ZBTB17: variants seen among roughly 807,000 people sequenced by gnomAD.
ZBTB17 encodes zinc finger and BTB domain containing 17.
A neutral mutation model predicts 85.1 loss-of-function variants in ZBTB17; 24 were observed. The ratio of observed to expected loss-of-function variants is 0.28; its 90% CI spans 0.20 to 0.40. The LOEUF (loss-of-function observed/expected upper bound fraction) is 0.40. Ranked by LOEUF, ZBTB17 falls within the 10% of genes least tolerant of loss-of-function variation. The pLI is 1.00. For synonymous variants in ZBTB17, 464 were observed against 460.2 expected (o/e 1.01, Z -0.11); for missense variants, 743 against 1,105.1 (o/e 0.67, Z 4.65).
chr1:15,961,050 G>A (rs575190974), intron 2 of ZBTB17, among the ~76,000 whole-genome samples: 11 of 152,202 alleles, frequency 7.2e-5, no homozygotes, highest in Admixed American at 3.3e-4. Context: ...CAAGGTCAAC[G>A]CTGCAGTGAG....
In ZBTB17 at chr1:15,944,528, C is replaced by T. The variant is rs2071506055; in HGVS notation, c.1143G>A (p.Lys381=). 2.5e-6 allele frequency: 4 copies of T among 1,595,482 alleles called. No homozygotes were observed. The highest frequency in any genetic ancestry group is 2.6e-6 in the Non-Finnish European group (3 of 1,175,758). ...YRLISLLNLH[K]KRHSGEARYR... ...AGCGCGCCTCGCCCGAGTGCCGCTT[C>T]TTGTGCAGGTTCAGCAGGCTGATGA... is the stretch of plus-strand genomic sequence containing the variant. Residue 381 remains lysine (K), a synonymous_variant, in exon 9 of 16, where the codon AAG becomes AAA. Coordinates refer to ENST00000375743, the MANE Select transcript of ZBTB17 (RefSeq NM_003443.3).
At chr1:15,961,100 T>C (rs1177994180) in intron 2 of ZBTB17, among the ~76,000 whole-genome samples, 1 of 152,052 alleles carries the variant, frequency 6.6e-6, no homozygotes, top group Non-Finnish European at 1.5e-5. Context: ...GGCAACAGAG[T>C]GAGACCCCGT....
At position 15,973,937 on chromosome 1, in the gene ZBTB17, C is replaced by T. The variant is rs879600326; in HGVS notation, c.-89-812G>A. 2.6e-5 allele frequency among the ~76,000 whole-genome samples: 4 copies of T among 152,132 alleles called. No individual in the cohort carries two copies. Among genetic ancestry groups the T allele is most frequent in the Admixed American group, 2.6e-4 (4 of 15,260 alleles). Reference sequence around the variant, plus strand: ...AGGCATGGTTGCACATGCCTATAATCCCAGTACTTTGGGAGGCTGAGGCGG... The same window carrying T: ...AGGCATGGTTGCACATGCCTATAATTCCAGTACTTTGGGAGGCTGAGGCGG... On this transcript the variant is annotated intron_variant, in intron 1 of 15. Coordinates refer to ENST00000375743, the MANE Select transcript of ZBTB17 (RefSeq NM_003443.3). This position sits in a 1 kb window ranked among gnomAD's most constrained non-coding sequence, Gnocchi z 4.1.
chr1:15,954,654 G>A (rs2071980168), intron 2 of ZBTB17, among the ~76,000 whole-genome samples: 1 of 151,896 alleles, frequency 6.6e-6, no homozygotes, highest in East Asian at 1.9e-4. Context: ...TCTGAGACAA[G>A]CCTAGGCAAC....
At chr1:15,962,766 G>A (rs780184284) in intron 2 of ZBTB17, among the ~76,000 whole-genome samples, 96 of 152,106 alleles carry the variant, frequency 6.3e-4, no homozygotes, top group Admixed American at 9.2e-4. Context: ...TAATGAGTGC[G>A]ATAAAACATC....
At chr1:15,945,307 G>A (rs1287375328) in intron 6 of ZBTB17, 105 bp from the exon 7 acceptor site, 3 of 1,469,772 alleles carry the variant, frequency 2.0e-6, no homozygotes, top group Non-Finnish European at 2.7e-6. Flanking sequence ...CCCAGCACTG[G>A]CCAAGGAAAG....
intron 3 of ZBTB17, 129 bp from the exon 4 acceptor site, chr1:15,947,252 A>G: frequency 1.0e-6 from 1 of 957,274 alleles, no homozygotes; most frequent in Non-Finnish European, 1.5e-6. Flanking sequence ...GCATCGCCCC[A>G]TCTCCTCTGT....
intron 2 of ZBTB17, among the ~76,000 whole-genome samples, chr1:15,971,476 A>C (rs1185372485): frequency 2.3e-5 from 2 of 86,948 alleles, no homozygotes; most frequent in Non-Finnish European, 5.3e-5. Flanking sequence ...CACACACACT[A>C]TATATATACA....
chr1:15,975,284 T>G (rs2072826206), intron 1 of ZBTB17, among the ~76,000 whole-genome samples: 1 of 152,194 alleles, frequency 6.6e-6, no homozygotes, highest in African/African-American at 2.4e-5. Flanking sequence ...TATTATCATC[T>G]CTGCTTAAAG....
At chr1:15,948,755 G>C (rs1167583482) in intron 2 of ZBTB17, among the ~76,000 whole-genome samples, 1 of 152,150 alleles carries the variant, frequency 6.6e-6, no homozygotes, top group African/African-American at 2.4e-5. Context: ...ACCAACACGA[G>C]GCAGCCGCCT....
At position 15,966,090 on chromosome 1, in the gene ZBTB17, T is replaced by C. The variant is rs1312332473; in HGVS notation, c.-3+6949A>G. ...GATTTACAAAATTAAACAAGTTCTT[T>C]CTTACTTTAAATCATTTGCCAAGCA... On this transcript the variant is annotated intron_variant, in intron 2 of 15. Coordinates refer to ENST00000375743, the MANE Select transcript of ZBTB17 (RefSeq NM_003443.3). This position sits in a 1 kb window ranked among gnomAD's most constrained non-coding sequence, Gnocchi z 4.1. Among the ~76,000 whole-genome samples the C allele has an allele frequency of 6.6e-6, 1 of 152,252 alleles. No individual in the cohort carries two copies. The highest frequency in any genetic ancestry group is 1.5e-5 in the Non-Finnish European group (1 of 68,044).
chr1:15,973,405 T>G lies in ZBTB17; in HGVS notation c.-89-280A>C, dbSNP rs574702565. On this transcript the variant is annotated intron_variant, in intron 1 of 15. Coordinates refer to ENST00000375743, the MANE Select transcript of ZBTB17 (RefSeq NM_003443.3). The surrounding 1 kb of genome is among the most constrained non-coding windows in gnomAD (Gnocchi z 4.1). ...TGTTAAGAAGGAAAAACGACAAGGT[T>G]TGTATCCAAGCATTACTGCAGCATT... Among the ~76,000 whole-genome samples, 1 of 152,294 alleles carries G rather than the reference T, an allele frequency of 6.6e-6. No individual in the cohort carries two copies. The highest frequency in any genetic ancestry group is 1.5e-5 in the Non-Finnish European group (1 of 68,020).
chr1:15,945,847 G>C lies in ZBTB17; in HGVS notation c.536-7C>G, dbSNP rs1369557765. The stretch of plus-strand genomic sequence containing the variant: ...TTCTCTGTCTGCTCTGCACCTGGGT[G>C]GGGGAAGCACCGGAGGCTGGATTGC... On this transcript the variant is annotated splice_region_variant and splice_polypyrimidine_tract_variant and intron_variant, in intron 5 of 15. Transcript: ENST00000375743. The C allele has an allele frequency of 3.1e-6, 5 of 1,590,208 alleles. No homozygotes were observed. The highest frequency in any genetic ancestry group is 3.4e-6 in the Non-Finnish European group (4 of 1,172,262).
Position 15,941,949 on chromosome 1 carries a change from C to T in ZBTB17, c.*20G>A, listed in dbSNP as rs2071373831. On this transcript the variant is annotated 3_prime_UTR_variant, in exon 16 of 16. Transcript: ENST00000375743. ...AGGGTGCCATCCATCCTTAAATAAA[C>T]AGTCAGAAGGGCCGCCAGCTCACTC... 2 of 1,579,972 alleles carry T rather than the reference C, an allele frequency of 1.3e-6. No individual in the cohort carries two copies. The highest frequency in any genetic ancestry group is 2.2e-5 in the East Asian group (1 of 44,488).
rs752727528 is a variant in ZBTB17 at position 15,944,926 on chromosome 1, G to A, written c.927+11C>T. The stretch of plus-strand genomic sequence containing the variant: ...ACGCTGGCTGGGAGGGCTGGCCATA[G>A]TCTCCCTCACCTCGCACTTGTGGAT... On this transcript the variant is annotated intron_variant, in intron 7 of 15. Coordinates refer to ENST00000375743, the MANE Select transcript of ZBTB17 (RefSeq NM_003443.3). The A allele has an allele frequency of 1.2e-5, 19 of 1,568,506 alleles. No individual in the cohort carries two copies. The East Asian group carries it at 3.5e-4, about 29-fold the overall frequency.
intron 3 of ZBTB17, 153 bp downstream of exon 3, chr1:15,948,138 C>T (rs557406280): frequency 5.7e-6 from 5 of 876,076 alleles, no homozygotes; most frequent in South Asian, 4.4e-5. Flanking sequence ...GTGGGAGGAA[C>T]TTAGTACTGA....
intron 6 of ZBTB17, 66 bp from the exon 7 acceptor site, chr1:15,945,268 G>A (rs2071550237): frequency 3.3e-6 from 5 of 1,522,596 alleles, no homozygotes; most frequent in South Asian, 2.5e-5. Context: ...GAGGGGCGCC[G>A]GCAACATGTG....
At chr1:15,969,728 C>G (rs1376120252) in intron 2 of ZBTB17, 1 of 484,902 alleles carries the variant, frequency 2.1e-6, no homozygotes, top group Non-Finnish European at 4.1e-6. Flanking sequence ...ACCAGGGAGT[C>G]TGTGGGAGCA....
intron 2 of ZBTB17, among the ~76,000 whole-genome samples, chr1:15,970,842 C>G (rs1205621986): frequency 1.3e-5 from 2 of 152,224 alleles, no homozygotes; most frequent in Admixed American, 1.3e-4. Flanking sequence ...CCACCGCGCC[C>G]AGCCAGGAGA....
Sources: allele counts gnomAD v4.1 joint callset (sites outside exome capture counted in the v4.1 genomes callset), GRCh38; gene constraint gnomAD v4.1.1; non-coding constraint Gnocchi (gnomAD v3.1); transcripts MANE v1.5; gene names NCBI Gene and HGNC (gene_info 2026-07-23, HGNC 2026-07-21).